Variants in VWA5B1 observed in about 807,000 individuals in gnomAD.
The protein encoded by VWA5B1 is von Willebrand factor A domain-containing protein 5B1.
VWA5B1 carries 115 observed loss-of-function variants against 118.2 expected under a neutral mutation model. The observed-to-expected ratio is 0.97, with a 90% CI of 0.84 to 1.14. The LOEUF (loss-of-function observed/expected upper bound fraction) is 1.14. VWA5B1 is among the 50% of genes most tolerant of loss of function. The probability of loss-of-function intolerance (pLI) is 0.00; values close to 1 mark genes in which losing one functional copy is unlikely to be tolerated. For missense variants in VWA5B1, 1,596 were observed against 1,603.8 expected (o/e 1.00, Z 0.08); for synonymous variants, 682 against 658.4 (o/e 1.04, Z -0.55).
In VWA5B1 at chr1:20,354,323, A is replaced by G; in HGVS notation, c.*60A>G. ...GGGGAGGAGAGGGATGGGCAGGGCC[A>G]TGTCGGCCTGGTTTCGGGGAGCTTT... On this transcript the variant is annotated 3_prime_UTR_variant, in exon 22 of 22. Transcript: ENST00000289815. 2.7e-6 allele frequency: 4 copies of G among 1,480,304 alleles called. No homozygotes were observed. Among genetic ancestry groups the G allele is most frequent in the East Asian group, 2.5e-5 (1 of 40,188 alleles). The allele number at this position is 1,480,304 out of a possible 1,614,324, so 91.7% of individuals were successfully genotyped here. A position where few individuals can be genotyped will look rare whatever the true frequency, so the allele number is the denominator to read the frequency against.
At position 20,318,691 on chromosome 1, in the gene VWA5B1, C is replaced by A; in HGVS notation, c.811C>A (p.Arg271=). 1 of 1,527,798 alleles carries A rather than the reference C, an allele frequency of 6.5e-7. No homozygotes were observed. The highest frequency in any genetic ancestry group is 1.2e-5 in the South Asian group (1 of 80,470). The allele number at this position is 1,527,798 out of a possible 1,614,324, so 94.6% of individuals were successfully genotyped here. The change falls in exon 6 of 22, where the codon CGG becomes AGG. Residue 271 remains arginine (R), a synonymous_variant. Coordinates refer to ENST00000289815, the MANE Select transcript of VWA5B1 (RefSeq NM_001039500.3). ...ITLANKHTFD[R]PVEILIHPSE... ...CTTGGCCAACAAGCACACCTTTGACCGGCCTGTGGAGATCCTCATCCACCC... is the reference window on the plus strand; with the variant it reads ...CTTGGCCAACAAGCACACCTTTGACAGGCCTGTGGAGATCCTCATCCACCC...
intron 8 of VWA5B1, among the ~76,000 whole-genome samples, chr1:20,325,422 C>A (rs1267819698): frequency 1.3e-5 from 2 of 152,154 alleles, no homozygotes; most frequent in African/African-American, 4.8e-5. Flanking sequence ...TGTCATATAT[C>A]CCTCCGCTCC....
intron 17 of VWA5B1, among the ~76,000 whole-genome samples, chr1:20,346,907 A>G (rs1256147528): frequency 6.6e-6 from 1 of 152,208 alleles, no homozygotes; most frequent in Non-Finnish European, 1.5e-5. Context: ...CAAAGTGATC[A>G]ACCCTTCTCA....
chr1:20,328,709 C>A (rs1040444392), intron 9 of VWA5B1, among the ~76,000 whole-genome samples: 5 of 152,190 alleles, frequency 3.3e-5, no homozygotes, highest in African/African-American at 1.2e-4. Flanking sequence ...GGAGCTTTGA[C>A]TCCAGCCTGG....
At chr1:20,332,652 G>A (rs2089602700) in intron 11 of VWA5B1, 114 bp from the exon 12 acceptor site, 2 of 1,140,308 alleles carry the variant, frequency 1.8e-6, no homozygotes, top group East Asian at 2.6e-5. Flanking sequence ...TCACCACAAG[G>A]CCTACTGTCC....
intron 16 of VWA5B1, among the ~76,000 whole-genome samples, chr1:20,344,694 G>C (rs1216350228): frequency 6.6e-6 from 1 of 152,148 alleles, no homozygotes; most frequent in Non-Finnish European, 1.5e-5. Context: ...AATATAAATA[G>C]AGAACGGTTA....
At chr1:20,336,993 T>A (rs1419768504) in intron 13 of VWA5B1, among the ~76,000 whole-genome samples, 1 of 151,954 alleles carries the variant, frequency 6.6e-6, no homozygotes, top group East Asian at 1.9e-4. Flanking sequence ...GGGGACTGCT[T>A]CTTAGAGGTG....
In VWA5B1 at chr1:20,355,824, C is replaced by T. The variant is rs1265734984; in HGVS notation, c.*1561C>T. 6.7e-6 allele frequency among the ~76,000 whole-genome samples: 1 copy of T among 150,032 alleles called. No individual in the cohort carries two copies. The highest frequency in any genetic ancestry group is 6.6e-5 in the Admixed American group (1 of 15,084). ...CCCCACCCCCACCCCTCCATCTATG[C>T]CACAAGTCTCCCGCGAGGGATTCTC... On this transcript the variant is annotated 3_prime_UTR_variant, in exon 22 of 22. Transcript: ENST00000289815.
At position 20,310,658 on chromosome 1, in the gene VWA5B1, T is replaced by C. The variant is rs745793733; in HGVS notation, c.57T>C (p.Asp19=). Residue 19 remains aspartate, a synonymous_variant, in exon 2 of 22, where the codon GAT becomes GAC. Coordinates refer to ENST00000289815, the MANE Select transcript of VWA5B1 (RefSeq NM_001039500.3). ...CAGCCCTGCCCCTCACCGCGTCTGA[T>C]GTTACCTCCTGTGTCAGCGGTTATG... ...TGAALPLTAS[D]VTSCVSGYAL... is the part of the protein sequence containing the mutation. 2.1e-5 allele frequency: 33 copies of C among 1,551,076 alleles called. No homozygotes were observed. The South Asian group carries it at 2.6e-4, about 12-fold the overall frequency.
chr1:20,310,542 T>G (rs1429874423), intron 1 of VWA5B1, 34 bp from the exon 2 acceptor site: 1 of 1,456,174 alleles, frequency 6.9e-7, no homozygotes, highest in Non-Finnish European at 9.1e-7. Flanking sequence ...TGGGGGAGCC[T>G]CTTCCCACTT....
Position 20,353,987 on chromosome 1 carries a change from G to C in VWA5B1, c.3372G>C (p.Lys1124Asn). Residue 1124 changes from lysine to asparagine, a missense_variant, in exon 22 of 22, where the codon AAG (lysine) becomes AAC (asparagine). Transcript: ENST00000289815. Reference sequence around the variant, plus strand: ...CCCTGGAGCCTCTGGCCAAGGGCAAGCTGGGCCTGGAGCCGAGGGCAGTGG... The same window carrying C: ...CCCTGGAGCCTCTGGCCAAGGGCAACCTGGGCCTGGAGCCGAGGGCAGTGG... ...SFSLEPLAKG[K>N]LGLEPRAVVE... 6.4e-7 allele frequency: 1 copy of C among 1,551,772 alleles called. No individual in the cohort carries two copies.
rs377585190 is a variant in VWA5B1 at position 20,353,865 on chromosome 1, C to T, written c.3250C>T (p.Arg1084Ter). The change falls in exon 22 of 22, where the codon CGA (arginine) becomes TGA (stop). Residue 1084 changes from arginine (R) to a stop codon, truncating the protein, a stop_gained. Transcript: ENST00000289815. LOFTEE classifies it low-confidence loss of function (END_TRUNC). ...LKWTSPFTCH[R>*]VSLTTRPSES... The stretch of plus-strand genomic sequence containing the variant: ...GTGGACGTCCCCCTTCACCTGCCAT[C>T]GAGTGTCCCTCACCACCCGCCCGTC... 4.4e-5 allele frequency: 68 copies of T among 1,542,400 alleles called. No individual in the cohort carries two copies. The highest frequency in any genetic ancestry group is 1.2e-4 in the East Asian group (5 of 40,894).
chr1:20,299,256 C>T (rs1178211770), intron 1 of VWA5B1, among the ~76,000 whole-genome samples: 2 of 152,142 alleles, frequency 1.3e-5, no homozygotes, highest in Admixed American at 6.5e-5. Context: ...TCCCTCTTAA[C>T]CTTCAGCTGG....
At position 20,310,585 on chromosome 1, in the gene VWA5B1, G is replaced by C. The variant is rs2088816948; in HGVS notation, c.-17G>C. ...TTCCTGTGTCTCACAGGTTCTGAAG[G>C]CTGAGTAGCCAGCGGGATGCCCGGC... is the stretch of plus-strand genomic sequence containing the variant. On this transcript the variant is annotated 5_prime_UTR_variant, in exon 2 of 22. Coordinates refer to ENST00000289815, the MANE Select transcript of VWA5B1 (RefSeq NM_001039500.3). The C allele has an allele frequency of 1.3e-6, 2 of 1,520,446 alleles. No individual in the cohort carries two copies. The highest frequency in any genetic ancestry group is 1.8e-6 in the Non-Finnish European group (2 of 1,132,160). 94.2% of individuals were successfully genotyped at this position (1,520,446 alleles called of 1,614,324 possible).
chr1:20,318,433 T>C (rs1168471624), intron 5 of VWA5B1, 157 bp from the exon 6 acceptor site: 10 of 1,030,266 alleles, frequency 9.7e-6, no homozygotes, highest in East Asian at 2.6e-5. Context: ...GGTGGGGAAA[T>C]TGAGGCAGCC....
intron 1 of VWA5B1, among the ~76,000 whole-genome samples, chr1:20,299,113 G>A (rs1405439625): frequency 1.3e-5 from 2 of 152,208 alleles, no homozygotes; most frequent in Admixed American, 6.5e-5. Flanking sequence ...TCTTAGCACA[G>A]TGCCTACGAC....
intron 14 of VWA5B1, among the ~76,000 whole-genome samples, chr1:20,341,625 A>T (rs563926057): frequency 7.9e-5 from 12 of 152,218 alleles, no homozygotes; most frequent in Non-Finnish European, 1.0e-4. Context: ...TTAACACATT[A>T]TTCTATTAAG....
At chr1:20,319,722 T>C (rs145921971) in intron 7 of VWA5B1, among the ~76,000 whole-genome samples, 2 of 152,214 alleles carry the variant, frequency 1.3e-5, no homozygotes, top group African/African-American at 4.8e-5. Context: ...TCCCGCCTCC[T>C]GCCAGATCAC....
chr1:20,318,651 G>A lies in VWA5B1; in HGVS notation c.771G>A (p.Lys257=). 6.5e-7 allele frequency: 1 copy of A among 1,550,178 alleles called. No homozygotes were observed. The highest frequency in any genetic ancestry group is 8.7e-7 in the Non-Finnish European group (1 of 1,146,160). The change falls in exon 6 of 22, where the codon AAG becomes AAA. Residue 257 remains lysine (K), a synonymous_variant. Transcript: ENST00000289815. ...CCGCCCCATCTGCCCGCTCGGCCAA[G>A]AGCATCATCATCACCTTGGCCAACA... The part of the protein sequence containing the change: ...ADAAPSARSA[K]SIIITLANKH...
Sources: allele counts gnomAD v4.1 joint callset (sites outside exome capture counted in the v4.1 genomes callset), GRCh38; gene constraint gnomAD v4.1.1; transcripts MANE v1.5; gene names NCBI Gene and HGNC (gene_info 2026-07-23, HGNC 2026-07-21).